The following NXPE4 variants were observed in gnomAD, a reference collection of about 807,000 sequenced individuals.
NXPE4 encodes the protein neurexophilin and PC-esterase domain family member 4, also known as NXPE family member 4.
Under a neutral mutation model 33.3 loss-of-function variants are expected in NXPE4, and 42 were observed. That is an observed-to-expected ratio of 1.26 (90% CI 0.98 to 1.63). NXPE4 has a LOEUF of 1.63. NXPE4 is among the 40% of genes most tolerant of loss of function. The pLI, the probability that NXPE4 is intolerant of heterozygous loss-of-function variation, is 0.00. For synonymous variants in NXPE4, 253 were observed against 234.9 expected (o/e 1.08, Z -0.71); for missense variants, 709 against 647.6 (o/e 1.09, Z -1.03).
the NXPE4 span, among the ~76,000 whole-genome samples, chr11:114,653,804 A>G: frequency 6.6e-6 from 1 of 152,054 alleles, no homozygotes; most frequent in East Asian, 1.9e-4. Flanking sequence ...CTGGGATTAC[A>G]GGCGTGAGCC....
At chr11:114,642,487 T>C in the NXPE4 span, among the ~76,000 whole-genome samples, 2 of 152,000 alleles carry the variant, frequency 1.3e-5, no homozygotes, top group African/African-American at 4.8e-5. Context: ...TGTGTTCTCA[T>C]TGTTCCACTC....
chr11:114,619,889 T>C, the NXPE4 span, among the ~76,000 whole-genome samples: 2 of 148,892 alleles, frequency 1.3e-5, no homozygotes, highest in Non-Finnish European at 3.0e-5. Flanking sequence ...TGGGTAAGAA[T>C]TCTTATCCTG....
At position 114,571,329 on chromosome 11, in the gene NXPE4, T is replaced by C. The variant is rs1316451797; in HGVS notation, c.1244A>G (p.Tyr415Cys). Residue 415 changes from tyrosine (Y) to cysteine (C), a missense_variant, in exon 6 of 6, where the codon TAC becomes TGC. Physicochemically the swap from Tyr to Cys is radical, Grantham distance 194. Transcript: ENST00000375478. Reference sequence around the variant, plus strand: ...AGTTCTGTCAATGGCCCGGGTGAGGTACTCCATCTCTTTGACTGAATAGGT... The same window carrying C: ...AGTTCTGTCAATGGCCCGGGTGAGGCACTCCATCTCTTTGACTGAATAGGT... Reference protein sequence around the residue: ...SMTYSVKEMEYLTRAIDRTGG... With the variant: ...SMTYSVKEMECLTRAIDRTGG... The C allele has an allele frequency of 6.2e-7, 1 of 1,614,002 alleles. No homozygotes were observed. Among genetic ancestry groups the C allele is most frequent in the Admixed American group, 1.7e-5 (1 of 60,000 alleles).
the NXPE4 span, among the ~76,000 whole-genome samples, chr11:114,628,389 T>C: frequency 9.1e-3 from 1,384 of 152,226 alleles, 19 homozygotes; most frequent in African/African-American, 0.032. Context: ...CTGAACTACA[T>C]GGAAACTGAA....
At chr11:114,577,114 C>CAT (rs1185446950) in intron 5 of NXPE4, among the ~76,000 whole-genome samples, 1 of 132,122 alleles carries the variant, frequency 7.6e-6, no homozygotes, top group South Asian at 2.4e-4. Context: ...TATATATACA[C>CAT]ATATATATAA....
upstream of NXPE4, among the ~76,000 whole-genome samples, chr11:114,597,017 G>A (rs997141376): frequency 5.3e-5 from 8 of 152,304 alleles, no homozygotes; most frequent in Admixed American, 5.2e-4. Flanking sequence ...TAGTGTATAT[G>A]TATAACAACA....
At chr11:114,652,705 G>A in the NXPE4 span, among the ~76,000 whole-genome samples, 5 of 152,200 alleles carry the variant, frequency 3.3e-5, no homozygotes, top group African/African-American at 4.8e-5. Context: ...TAGAGAACCT[G>A]ACTTGCTGAA....
the NXPE4 span, among the ~76,000 whole-genome samples, chr11:114,608,638 G>C: frequency 2.0e-5 from 3 of 151,828 alleles, no homozygotes; most frequent in Non-Finnish European, 4.4e-5. Context: ...AATACTTGTT[G>C]CCTCGAGGGT....
the NXPE4 span, among the ~76,000 whole-genome samples, chr11:114,601,430 T>C: frequency 1.2e-4 from 16 of 132,022 alleles, no homozygotes; most frequent in Admixed American, 1.9e-4. Flanking sequence ...TTTTGTTCTT[T>C]TTAAATTTAT....
the NXPE4 span, among the ~76,000 whole-genome samples, chr11:114,634,410 G>T: frequency 3.3e-5 from 5 of 151,840 alleles, no homozygotes; most frequent in Non-Finnish European, 7.4e-5. Context: ...CCATTTTGTA[G>T]GTTGCCTGTT....
chr11:114,590,746 G>T (rs1329767726), intron 2 of NXPE4, among the ~76,000 whole-genome samples: 1 of 152,214 alleles, frequency 6.6e-6, no homozygotes, highest in Non-Finnish European at 1.5e-5. Context: ...AGGATGGCCA[G>T]CATGCCTCTG....
At chr11:114,644,559 A>G in the NXPE4 span, among the ~76,000 whole-genome samples, 2 of 152,188 alleles carry the variant, frequency 1.3e-5, no homozygotes, top group Non-Finnish European at 2.9e-5. Context: ...TGCATGTACA[A>G]CATCTAAAAT....
intron 2 of NXPE4, among the ~76,000 whole-genome samples, chr11:114,591,946 A>G (rs548108256): frequency 4.6e-5 from 7 of 152,294 alleles, no homozygotes; most frequent in African/African-American, 1.7e-4. Context: ...TAATCATCTC[A>G]ATAGAAAAGA....
the NXPE4 span, among the ~76,000 whole-genome samples, chr11:114,651,274 G>C: frequency 6.6e-6 from 1 of 151,816 alleles, no homozygotes; most frequent in Non-Finnish European, 1.5e-5. Flanking sequence ...TCTTCCTTGC[G>C]GTGGGTTCGT....
intron 5 of NXPE4, among the ~76,000 whole-genome samples, chr11:114,572,734 G>A (rs1300462984): frequency 6.6e-6 from 1 of 152,094 alleles, no homozygotes; most frequent in African/African-American, 2.4e-5. Flanking sequence ...CCCAACCTAA[G>A]AATAATTGGT....
the NXPE4 span, among the ~76,000 whole-genome samples, chr11:114,654,210 T>C: frequency 6.6e-6 from 1 of 152,156 alleles, no homozygotes; most frequent in East Asian, 1.9e-4. Flanking sequence ...ATGCCTGCCT[T>C]CCACCCAGAG....
At chr11:114,642,427 C>T in the NXPE4 span, among the ~76,000 whole-genome samples, 1 of 152,000 alleles carries the variant, frequency 6.6e-6, no homozygotes, top group East Asian at 1.9e-4. Flanking sequence ...TCCCCACTCC[C>T]CCCAGCCCCC....
At chr11:114,645,718 GA>G in the NXPE4 span, among the ~76,000 whole-genome samples, 1 of 151,954 alleles carries the variant, frequency 6.6e-6, no homozygotes, top group Non-Finnish European at 1.5e-5. Context: ...CATGAATAAA[GA>G]ATTCATATAA....
At chr11:114,591,083 C>G (rs976289216) in intron 2 of NXPE4, among the ~76,000 whole-genome samples, 2 of 152,142 alleles carry the variant, frequency 1.3e-5, no homozygotes, top group African/African-American at 4.8e-5. Flanking sequence ...CCAGACTGGA[C>G]CATCTTCACA....
Sources: gnomAD v4.1 joint callset for allele counts (sites outside exome capture counted in the v4.1 genomes callset) on GRCh38, gnomAD v4.1.1 for gene constraint, MANE v1.5 for transcripts, NCBI Gene and HGNC (gene_info 2026-07-23, HGNC 2026-07-21) for gene names.